The following ZNF292 variants were observed in gnomAD, a reference collection of about 807,000 sequenced individuals.
ZNF292 encodes 16 zinc-finger domain protein.
In ZNF292, 26 loss-of-function variants were observed where a neutral mutation model predicts 217.9. The ratio of observed to expected loss-of-function variants is 0.12; its 90% CI spans 0.09 to 0.17. The LOEUF (loss-of-function observed/expected upper bound fraction) is 0.17, where lower values mean the gene tolerates loss of function less well. Among genes scored for constraint, ZNF292 ranks in the 10% least tolerant of loss-of-function variants. The pLI is 1.00. For synonymous variants in ZNF292, 1,257 were observed against 1,124.1 expected (o/e 1.12, Z -2.37); for missense variants, 2,904 against 3,175.2 (o/e 0.91, Z 2.05).
At chr6:87,157,630 TC>T (rs916552130) in intron 1 of ZNF292, among the ~76,000 whole-genome samples, 41 of 152,194 alleles carry the variant, frequency 2.7e-4, no homozygotes, top group Admixed American at 2.1e-3. Context: ...CAAGCTGGAC[TC>T]CCCCCCGCTT....
chr6:87,203,605 T>G (rs1358110030), intron 1 of ZNF292, among the ~76,000 whole-genome samples: 5 of 145,722 alleles, frequency 3.4e-5, no homozygotes, highest in African/African-American at 1.0e-4. Context: ...CAAGGGGGGG[T>G]GGGGTGCTGC....
chr6:87,199,616 T>C (rs1407654147), intron 1 of ZNF292, among the ~76,000 whole-genome samples: 1 of 152,232 alleles, frequency 6.6e-6, no homozygotes, highest in Non-Finnish European at 1.5e-5. Flanking sequence ...GTTTTGTGTA[T>C]GATGCAAGGT....
At chr6:87,232,717 AGAAGTTTTATCCTTTGGC>A (rs6149683) in intron 4 of ZNF292, among the ~76,000 whole-genome samples, 94,513 of 151,132 alleles carry the variant, frequency 0.63, 30,843 homozygotes, top group African/African-American at 0.83. Context: ...TAAAACCCAC[AGAAGTTTTATCCTTTGGC>A]GAAGTTTTAT....
chr6:87,159,228 G>A (rs1231201475), intron 1 of ZNF292, among the ~76,000 whole-genome samples: 1 of 151,908 alleles, frequency 6.6e-6, no homozygotes, highest in Admixed American at 6.6e-5. Context: ...TATTAACAGT[G>A]TTGTTTTGCT....
At chr6:87,214,749 A>C (rs1772656205) in intron 1 of ZNF292, among the ~76,000 whole-genome samples, 4 of 152,098 alleles carry the variant, frequency 2.6e-5, no homozygotes, top group African/African-American at 9.7e-5. Flanking sequence ...ATATATGGCT[A>C]CTCAGTCGGT....
chr6:87,196,159 T>TC, intron 1 of ZNF292, among the ~76,000 whole-genome samples: 1 of 152,368 alleles, frequency 6.6e-6, no homozygotes, highest in Middle Eastern at 3.4e-3. Context: ...AAGCATCTCT[T>TC]CTGTGCCTTG....
intron 1 of ZNF292, among the ~76,000 whole-genome samples, chr6:87,190,754 G>C (rs2127782615): frequency 6.6e-6 from 1 of 152,254 alleles, no homozygotes; most frequent in East Asian, 1.9e-4. Flanking sequence ...TTTTCAAGAA[G>C]ACTGGAGAAA....
rs935816547 is a variant in ZNF292, at chr6:87,264,683, GAT to G, written c.*2884_*2885del. The stretch of plus-strand genomic sequence containing the variant: ...GTATTGCCAGTGGGCCACTTGGAAA[GAT>G]AGGAAGTTGAAGAAGGTGAAGCTGA... On this transcript the variant is annotated 3_prime_UTR_variant, in exon 8 of 8. Transcript: ENST00000369577. 9.9e-5 allele frequency among the ~76,000 whole-genome samples: 15 copies of G among 152,206 alleles called. No individual in the cohort carries two copies. The highest frequency in any genetic ancestry group is 3.6e-4 in the African/African-American group (15 of 41,436).
rs1282782464 is a variant in ZNF292, at chr6:87,263,020, T to A, written c.*1219T>A. On this transcript the variant is annotated 3_prime_UTR_variant, in exon 8 of 8. Transcript: ENST00000369577. The stretch of plus-strand genomic sequence containing the variant: ...TTTATAGATGTTAGATTGTACAGAT[T>A]TGTCTGTATTTCTCACCATATCTAA... The A allele has an allele frequency of 6.6e-6, 1 of 152,062 alleles. No homozygotes were observed. Among genetic ancestry groups the A allele is most frequent in the African/African-American group, 2.4e-5 (1 of 41,464 alleles). The allele number at this position is 152,062 out of a possible 1,614,324, so 9.4% of individuals were successfully genotyped here.
chr6:87,233,392 A>G lies in ZNF292; in HGVS notation c.606A>G (p.Thr202=). The change falls in exon 5 of 8, where the codon ACA becomes ACG. Residue 202 remains threonine, a synonymous_variant. Transcript: ENST00000369577. The stretch of plus-strand genomic sequence containing the variant: ...TGAGAATTAAACATCTAATCAAAAC[A>G]AATCAGTTAAGTCAAGCAACTGCTC... The part of the protein sequence containing the change: ...LDMRIKHLIK[T]NQLSQATALA... 1 of 1,613,562 alleles carries G rather than the reference A, an allele frequency of 6.2e-7. No individual in the cohort carries two copies.
intron 1 of ZNF292, among the ~76,000 whole-genome samples, chr6:87,202,716 C>G (rs1399930357): frequency 6.6e-6 from 1 of 152,088 alleles, no homozygotes; most frequent in East Asian, 1.9e-4. Flanking sequence ...CCTCAAGTTG[C>G]ATTTTGATTA....
At chr6:87,177,241 C>T (rs974927438) in intron 1 of ZNF292, among the ~76,000 whole-genome samples, 1 of 151,730 alleles carries the variant, frequency 6.6e-6, no homozygotes, top group African/African-American at 2.4e-5. Flanking sequence ...GCAGGAGAAT[C>T]ACTTGAACCT....
chr6:87,179,957 C>A (rs16878638), intron 1 of ZNF292, among the ~76,000 whole-genome samples: 12,405 of 152,046 alleles, frequency 0.082, 860 homozygotes, highest in African/African-American at 0.19. Flanking sequence ...TATGAAGATC[C>A]CCGAGTATTG....
chr6:87,192,533 A>G (rs1196716431), intron 1 of ZNF292, among the ~76,000 whole-genome samples: 1 of 152,170 alleles, frequency 6.6e-6, no homozygotes, highest in Non-Finnish European at 1.5e-5. Context: ...ACTCTTCCAC[A>G]TACCCAGACC....
chr6:87,169,190 G>A (rs1771012840), intron 1 of ZNF292, among the ~76,000 whole-genome samples: 1 of 151,912 alleles, frequency 6.6e-6, no homozygotes, highest in Non-Finnish European at 1.5e-5. Flanking sequence ...TTACAGGTGC[G>A]CCACCATGCC....
At chr6:87,217,625 T>C (rs1038227862) in intron 3 of ZNF292, among the ~76,000 whole-genome samples, 1 of 152,138 alleles carries the variant, frequency 6.6e-6, no homozygotes, top group Non-Finnish European at 1.5e-5. Flanking sequence ...TTACACTTTC[T>C]TTTTGAAACA....
intron 1 of ZNF292, among the ~76,000 whole-genome samples, chr6:87,167,018 C>T (rs1311379924): frequency 1.3e-5 from 2 of 152,054 alleles, no homozygotes; most frequent in Non-Finnish European, 2.9e-5. Flanking sequence ...CTGTGTTTTC[C>T]GTGTTCTATT....
chr6:87,243,280 G>GTTTT (rs58565257), intron 5 of ZNF292, among the ~76,000 whole-genome samples, 195 bp from the exon 6 acceptor site: 2 of 136,236 alleles, frequency 1.5e-5, no homozygotes, highest in African/African-American at 2.7e-5. Context: ...ATAAAGAAAG[G>GTTTT]TTTTTTTTTT....
At chr6:87,194,236 GATAA>G (rs1357608175) in intron 1 of ZNF292, among the ~76,000 whole-genome samples, 1 of 152,150 alleles carries the variant, frequency 6.6e-6, no homozygotes, top group East Asian at 1.9e-4. Flanking sequence ...GAGATTAAAT[GATAA>G]ATATAGAAGG....
Sources: gnomAD v4.1 joint callset for allele counts (sites outside exome capture counted in the v4.1 genomes callset) on GRCh38, gnomAD v4.1.1 for gene constraint, MANE v1.5 for transcripts, NCBI Gene and HGNC (gene_info 2026-07-23, HGNC 2026-07-21) for gene names.